ZNF556: variants seen among roughly 807,000 people sequenced by gnomAD.
ZNF556 encodes the protein zinc finger protein 556.
In ZNF556, 11 loss-of-function variants were observed where a neutral mutation model predicts 13.6. The observed-to-expected ratio is 0.81, with a 90% CI of 0.51 to 1.33. The LOEUF (loss-of-function observed/expected upper bound fraction) is 1.33. ZNF556 is among the 40% of genes most tolerant of loss of function. The pLI is 0.00. For synonymous variants in ZNF556, 229 were observed against 207.8 expected, an observed-to-expected ratio of 1.10 and a Z score of -0.88; for missense variants, 633 against 566.2, an observed-to-expected ratio of 1.12 and a Z score of -1.20.
chr19:2,878,059 G>C lies in ZNF556; in HGVS notation c.1101G>C (p.Glu367Asp), dbSNP rs2087874567. 6.2e-7 allele frequency: 1 copy of C among 1,614,056 alleles called. No individual in the cohort carries two copies. Among genetic ancestry groups the C allele is most frequent in the African/African-American group, 1.3e-5 (1 of 74,936 alleles). The change falls in exon 4 of 4, where the codon GAG becomes GAC. Residue 367 changes from glutamate to aspartate, a missense_variant. Physicochemically the swap from Glu to Asp is conservative, Grantham distance 45. Coordinates refer to ENST00000307635, the MANE Select transcript of ZNF556 (RefSeq NM_024967.3). ...PSTDVKSQTR[E>D]KVYKCETCGK... ...CAGATGTCAAATCACAAACTAGAGA[G>C]AAAGTCTATAAATGTGAAACGTGTG...
Position 2,877,673 on chromosome 19 carries a change from G to A in ZNF556, c.715G>A (p.Gly239Ser), listed in dbSNP as rs768459528. 3 of 1,614,198 alleles carry A rather than the reference G, an allele frequency of 1.9e-6. No homozygotes were observed. The highest frequency in any genetic ancestry group is 2.5e-6 in the Non-Finnish European group (3 of 1,180,046). The change falls in exon 4 of 4, where the codon GGC becomes AGC. Residue 239 changes from glycine to serine, a missense_variant. Coordinates refer to ENST00000307635, the MANE Select transcript of ZNF556 (RefSeq NM_024967.3). ...KPYECGQCGKGFSCPKSFRAH... is the reference protein window; with the variant it reads ...KPYECGQCGKSFSCPKSFRAH... ...CTACGAATGTGGGCAGTGTGGGAAA[G>A]GCTTCAGTTGTCCCAAATCCTTTCG...
In ZNF556 at chr19:2,880,053, T is replaced by C. The variant is rs1423029400; in HGVS notation, c.*1724T>C. 3 of 147,414 alleles carry C rather than the reference T, an allele frequency of 2.0e-5. No individual in the cohort carries two copies. Among genetic ancestry groups the C allele is most frequent in the Non-Finnish European group, 4.4e-5 (3 of 67,584 alleles). 9.1% of individuals were successfully genotyped at this position (147,414 alleles called of 1,614,324 possible). ...TCAAAAATAAATAAATAAAGAATAA[T>C]TTTTTAAAAAAGCACAGGGGATTGT... On this transcript the variant is annotated 3_prime_UTR_variant, in exon 4 of 4. Coordinates refer to ENST00000307635, the MANE Select transcript of ZNF556 (RefSeq NM_024967.3).
intron 2 of ZNF556, chr19:2,875,230 G>A (rs1004008341): frequency 6.6e-6 from 1 of 152,178 alleles, no homozygotes; most frequent in African/African-American, 2.4e-5. Flanking sequence ...ATCCTGCTCT[G>A]TCGCCCAGGC....
At chr19:2,874,743 C>CAAAAAA (rs1165214161) in intron 2 of ZNF556, among the ~76,000 whole-genome samples, 10 of 65,480 alleles carry the variant, frequency 1.5e-4, no homozygotes, top group African/African-American at 5.3e-4. Context: ...GACTCTGTCT[C>CAAAAAA]AAAAAAAAAA....
intron 2 of ZNF556, among the ~76,000 whole-genome samples, chr19:2,874,469 G>C (rs1307630598): frequency 6.6e-6 from 1 of 151,858 alleles, no homozygotes; most frequent in Non-Finnish European, 1.5e-5. Context: ...GATCAGCCAG[G>C]CGCGGTGGCT....
intron 1 of ZNF556, among the ~76,000 whole-genome samples, chr19:2,872,770 G>A (rs1329443855): frequency 8.8e-5 from 13 of 147,690 alleles, no homozygotes; most frequent in Non-Finnish European, 3.0e-5. Flanking sequence ...AATGAGCCGG[G>A]ATCGCGCCAC....
Position 2,883,411 on chromosome 19 carries a change from C to T in ZNF556, c.*5082C>T, listed in dbSNP as rs902785985. 1.6e-4 allele frequency: 24 copies of T among 152,158 alleles called. No individual in the cohort carries two copies. Among genetic ancestry groups the T allele is most frequent in the African/African-American group, 5.8e-4 (24 of 41,502 alleles). 9.4% of individuals were successfully genotyped at this position (152,158 alleles called of 1,614,324 possible). On this transcript the variant is annotated 3_prime_UTR_variant, in exon 4 of 4. Transcript: ENST00000307635. ...GCTATTAGAAGAGAAAAATATGTAA[C>T]AGCTTTGTGTTTAATTAAAGGCAAA... is the stretch of plus-strand genomic sequence containing the variant.
intron 1 of ZNF556, 81 bp from the exon 2 acceptor site, chr19:2,873,413 TGA>T: frequency 6.6e-7 from 1 of 1,523,018 alleles, no homozygotes. Context: ...GGATCTTGTG[TGA>T]GTGTCCTATG....
chr19:2,871,261 A>G (rs1359912864), intron 1 of ZNF556, among the ~76,000 whole-genome samples: 1 of 152,206 alleles, frequency 6.6e-6, no homozygotes, highest in Non-Finnish European at 1.5e-5. Flanking sequence ...AGCACTGATG[A>G]ACCTGGGGCA....
In ZNF556 at chr19:2,877,635, C is replaced by G; in HGVS notation, c.677C>G (p.Thr226Ser). Residue 226 changes from threonine (T) to serine (S), a missense_variant, in exon 4 of 4, where the codon ACT becomes AGT. Coordinates refer to ENST00000307635, the MANE Select transcript of ZNF556 (RefSeq NM_024967.3). ...CTCACTGAACATGTAAGGACTCACA[C>G]TGGAGAGAAACCCTACGAATGTGGG... ...HSLTEHVRTH[T>S]GEKPYECGQC... The G allele has an allele frequency of 1.2e-6, 2 of 1,614,230 alleles. No homozygotes were observed. Among genetic ancestry groups the G allele is most frequent in the Non-Finnish European group, 1.7e-6 (2 of 1,180,046 alleles).
chr19:2,871,925 T>C (rs2087805934), intron 1 of ZNF556, among the ~76,000 whole-genome samples: 1 of 152,170 alleles, frequency 6.6e-6, no homozygotes, highest in Non-Finnish European at 1.5e-5. Context: ...GGGTCACATG[T>C]CCACTGGACA....
In ZNF556 at chr19:2,879,990, A is replaced by G. The variant is rs1221374641; in HGVS notation, c.*1661A>G. 1 of 152,024 alleles carries G rather than the reference A, an allele frequency of 6.6e-6. No individual in the cohort carries two copies. The highest frequency in any genetic ancestry group is 3.2e-3 in the Middle Eastern group (1 of 316). 9.4% of individuals were successfully genotyped at this position (152,024 alleles called of 1,614,324 possible). On this transcript the variant is annotated 3_prime_UTR_variant, in exon 4 of 4. Transcript: ENST00000307635. ...GCTTGCAGTGAGCTGGAATCGTGCC[A>G]CTGTACTCCAGCCTGGGCGAAAGAG... is the stretch of plus-strand genomic sequence containing the variant.
chr19:2,872,233 G>C (rs142151079), intron 1 of ZNF556, among the ~76,000 whole-genome samples: 2 of 149,832 alleles, frequency 1.3e-5, no homozygotes, highest in Non-Finnish European at 3.0e-5. Context: ...AAACTCCCCC[G>C]GGGGAAGGGA....
chr19:2,882,111 T>C lies in ZNF556; in HGVS notation c.*3782T>C, dbSNP rs748432329. On this transcript the variant is annotated 3_prime_UTR_variant, in exon 4 of 4. Transcript: ENST00000307635. ...TGACAGAATGAGACCGTGTGTCAAA[T>C]TAAAAAGAAAAAAAGAAACAATAAT... 11 of 151,676 alleles carry C rather than the reference T, an allele frequency of 7.3e-5. No homozygotes were observed. In the East Asian group the frequency reaches 9.7e-4, roughly 13 times the overall value. The allele number at this position is 151,676 out of a possible 1,614,324, so 9.4% of individuals were successfully genotyped here. A position where few individuals can be genotyped will look rare whatever the true frequency, so the allele number is the denominator to read the frequency against.
chr19:2,878,930 C>T lies in ZNF556; in HGVS notation c.*601C>T, dbSNP rs1361691280. 6.6e-6 allele frequency: 1 copy of T among 152,056 alleles called. No individual in the cohort carries two copies. Among genetic ancestry groups the T allele is most frequent in the Non-Finnish European group, 1.5e-5 (1 of 68,040 alleles). The allele number at this position is 152,056 out of a possible 1,614,324, so 9.4% of individuals were successfully genotyped here. A position where few individuals can be genotyped will look rare whatever the true frequency, so the allele number is the denominator to read the frequency against. On this transcript the variant is annotated 3_prime_UTR_variant, in exon 4 of 4. Transcript: ENST00000307635. ...GAAGTGTATTGCACCCATGGGTGAT[C>T]TGATGTATTTTAATATGCATTAACT...
rs1376896580 is a variant in ZNF556, at chr19:2,882,531, AGTGTGTGTG to A, written c.*4203_*4211del. 17 of 127,724 alleles carry A rather than the reference AGTGTGTGTG, an allele frequency of 1.3e-4. No homozygotes were observed. Among genetic ancestry groups the A allele is most frequent in the South Asian group, 8.0e-4 (3 of 3,728 alleles). The allele number at this position is 127,724 out of a possible 1,614,324, so 7.9% of individuals were successfully genotyped here. On this transcript the variant is annotated 3_prime_UTR_variant, in exon 4 of 4. Transcript: ENST00000307635. ...ATACATTTTATATATATATATATAT[AGTGTGTGTG>A]TGTGTGTGTGTGTGTGTGTGTGTGT...
At chr19:2,872,225 A>ACC (rs772528796) in intron 1 of ZNF556, among the ~76,000 whole-genome samples, 4 of 151,568 alleles carry the variant, frequency 2.6e-5, no homozygotes, top group South Asian at 4.2e-4. Context: ...TCTTCTCTAA[A>ACC]CTCCCCCGGG....
intron 2 of ZNF556, among the ~76,000 whole-genome samples, chr19:2,874,742 T>TC (rs2087835322): frequency 2.4e-5 from 1 of 42,450 alleles, no homozygotes; most frequent in Non-Finnish European, 4.6e-5. Flanking sequence ...AGACTCTGTC[T>TC]CAAAAAAAAA....
At position 2,879,000 on chromosome 19, in the gene ZNF556, G is replaced by A. The variant is rs1401630613; in HGVS notation, c.*671G>A. On this transcript the variant is annotated 3_prime_UTR_variant, in exon 4 of 4. Transcript: ENST00000307635. ...TTTGTTACTCCGTGTGAGGCCATTA[G>A]ACCAATGAAATATGGGTGTTTGTTG... 1.3e-5 allele frequency: 2 copies of A among 152,078 alleles called. No individual in the cohort carries two copies. The highest frequency in any genetic ancestry group is 3.8e-4 in the East Asian group (2 of 5,198). 9.4% of individuals were successfully genotyped at this position (152,078 alleles called of 1,614,324 possible). A position where few individuals can be genotyped will look rare whatever the true frequency, so the allele number is the denominator to read the frequency against.
Sources: gnomAD v4.1 joint callset for allele counts (sites outside exome capture counted in the v4.1 genomes callset) on GRCh38, gnomAD v4.1.1 for gene constraint, MANE v1.5 for transcripts, NCBI Gene and HGNC (gene_info 2026-07-23, HGNC 2026-07-21) for gene names.